LPP: variants seen among roughly 807,000 people sequenced by gnomAD.
LPP encodes LIM domain containing preferred translocation partner in lipoma.
A neutral mutation model predicts 60.4 loss-of-function variants in LPP; 38 were observed. The ratio of observed to expected loss-of-function variants is 0.63; its 90% CI spans 0.49 to 0.83. The LOEUF (loss-of-function observed/expected upper bound fraction) is 0.83. Among genes scored for constraint, LPP ranks in the 40% least tolerant of loss-of-function variants. The probability of loss-of-function intolerance (pLI) is 0.00; values close to 1 mark genes in which losing one functional copy is unlikely to be tolerated. For missense variants in LPP, 902 were observed against 783.6 expected, an observed-to-expected ratio of 1.15 and a Z score of -1.80; for synonymous variants, 328 against 290.8, an observed-to-expected ratio of 1.13 and a Z score of -1.30.
At chr3:188,170,337 T>C (rs78391867) in intron 1 of LPP, among the ~76,000 whole-genome samples, 1 of 142,666 alleles carries the variant, frequency 7.0e-6, no homozygotes, top group East Asian at 2.0e-4. Flanking sequence ...TTCTTTTTTT[T>C]TTTTTTTTTT....
chr3:188,494,500 A>G (rs528457579), intron 5 of LPP, among the ~76,000 whole-genome samples: 3 of 152,064 alleles, frequency 2.0e-5, no homozygotes, highest in Non-Finnish European at 2.9e-5. Flanking sequence ...CTTTTGACTG[A>G]CTTTCATTAA....
At chr3:188,351,205 G>C (rs1765734737) in intron 3 of LPP, among the ~76,000 whole-genome samples, 1 of 152,192 alleles carries the variant, frequency 6.6e-6, no homozygotes, top group Non-Finnish European at 1.5e-5. Flanking sequence ...AAATGACTAT[G>C]TTCTGCAATA....
chr3:188,588,131 G>A (rs1241612332), intron 6 of LPP, among the ~76,000 whole-genome samples: 1 of 152,230 alleles, frequency 6.6e-6, no homozygotes, highest in Non-Finnish European at 1.5e-5. Context: ...GAGATCCTAT[G>A]TGGATATGGA....
At chr3:188,686,198 G>T (rs1446459688) in intron 7 of LPP, among the ~76,000 whole-genome samples, 3 of 152,006 alleles carry the variant, frequency 2.0e-5, no homozygotes, top group Non-Finnish European at 4.4e-5. Flanking sequence ...AATAAATGTA[G>T]CCATTGATAT....
intron 4 of LPP, among the ~76,000 whole-genome samples, chr3:188,411,796 G>A (rs1784946689): frequency 6.6e-6 from 1 of 152,080 alleles, no homozygotes; most frequent in Non-Finnish European, 1.5e-5. Context: ...TTCTTTTTCT[G>A]TTTTTGGTAA....
chr3:188,485,713 C>T (rs1026535765), intron 5 of LPP, among the ~76,000 whole-genome samples: 2 of 142,760 alleles, frequency 1.4e-5, no homozygotes, highest in African/African-American at 2.6e-5. Context: ...AGGAGAATGG[C>T]GTGAACCCGG....
intron 1 of LPP, among the ~76,000 whole-genome samples, chr3:188,211,049 C>T (rs1037105409): frequency 9.2e-5 from 14 of 152,102 alleles, no homozygotes; most frequent in Admixed American, 2.6e-4. Context: ...TGTTTGCTTA[C>T]GGCATGCTTG....
intron 2 of LPP, chr3:188,239,778 G>A (rs577707230): frequency 4.6e-6 from 1 of 216,248 alleles, no homozygotes; most frequent in South Asian, 1.9e-4. Context: ...TGCACTATTA[G>A]TATTGATTGC....
At chr3:188,201,401 T>C (rs1731038974) in intron 1 of LPP, among the ~76,000 whole-genome samples, 1 of 152,156 alleles carries the variant, frequency 6.6e-6, no homozygotes. Flanking sequence ...CATCTCATTA[T>C]GGGGCATTTA....
chr3:188,711,110 G>A (rs560907199), intron 8 of LPP: 10 of 152,258 alleles, frequency 6.6e-5, no homozygotes, highest in South Asian at 2.1e-4. Flanking sequence ...AGATATGCTC[G>A]TTAAAAATCC....
chr3:188,809,303 G>C (rs998918634), intron 9 of LPP, among the ~76,000 whole-genome samples: 7 of 152,068 alleles, frequency 4.6e-5, no homozygotes, highest in African/African-American at 1.7e-4. Context: ...CCCAACAACA[G>C]TGTAAAAATG....
intron 6 of LPP, among the ~76,000 whole-genome samples, chr3:188,576,031 G>C (rs1408292246): frequency 1.3e-5 from 2 of 152,116 alleles, no homozygotes; most frequent in Non-Finnish European, 2.9e-5. Context: ...CCACCCCCAA[G>C]CACACAAGGT....
intron 3 of LPP, among the ~76,000 whole-genome samples, chr3:188,397,198 CT>C (rs1345028420): frequency 6.6e-6 from 1 of 152,154 alleles, no homozygotes; most frequent in African/African-American, 2.4e-5. Context: ...TGCAGATGCT[CT>C]TTGGAGACAG....
At chr3:188,828,614 CAAAAAAAAAAAA>C (rs71169022) in intron 9 of LPP, among the ~76,000 whole-genome samples, 3 of 31,330 alleles carry the variant, frequency 9.6e-5, no homozygotes, top group Non-Finnish European at 1.6e-4. Flanking sequence ...AACTCTGTCT[CAAAAAAAAAAAA>C]AAAAAAAAAA....
intron 5 of LPP, among the ~76,000 whole-genome samples, chr3:188,523,187 A>T (rs935352296): frequency 6.6e-6 from 1 of 152,088 alleles, no homozygotes; most frequent in African/African-American, 2.4e-5. Flanking sequence ...GATTACAGGC[A>T]TGAGCCACCG....
At chr3:188,818,400 T>C (rs1753049597) in intron 9 of LPP, among the ~76,000 whole-genome samples, 1 of 152,228 alleles carries the variant, frequency 6.6e-6, no homozygotes, top group Admixed American at 6.5e-5. Flanking sequence ...TCTCTTGAGC[T>C]ATTCCCTACC....
chr3:188,575,385 T>C (rs1391539376), intron 6 of LPP, among the ~76,000 whole-genome samples: 2 of 152,204 alleles, frequency 1.3e-5, no homozygotes, highest in Admixed American at 6.6e-5. Context: ...ATTTAAAATG[T>C]ACAAATTAAT....
At chr3:188,594,245 A>G (rs1035234131) in intron 6 of LPP, among the ~76,000 whole-genome samples, 1 of 152,202 alleles carries the variant, frequency 6.6e-6, no homozygotes, top group South Asian at 2.1e-4. Flanking sequence ...AGTATAAAGA[A>G]TTATTTTTAC....
At chr3:188,255,948 A>G (rs116488492) in intron 2 of LPP, among the ~76,000 whole-genome samples, 4,272 of 152,324 alleles carry the variant, frequency 0.028, 105 homozygotes, top group African/African-American at 0.055. Flanking sequence ...ATACCGTATC[A>G]GCATAAAAAT....
Sources: gnomAD v4.1 joint callset for allele counts (sites outside exome capture counted in the v4.1 genomes callset) on GRCh38, gnomAD v4.1.1 for gene constraint, MANE v1.5 for transcripts, NCBI Gene and HGNC (gene_info 2026-07-23, HGNC 2026-07-21) for gene names.